DSCAML1: variants seen among roughly 807,000 people sequenced by gnomAD.
DSCAML1 encodes cell adhesion molecule DSCAML1.
A neutral mutation model predicts 200.5 loss-of-function variants in DSCAML1; 38 were observed. The observed-to-expected ratio is 0.19, with a 90% confidence interval of 0.15 to 0.25. The LOEUF (loss-of-function observed/expected upper bound fraction) is 0.25. DSCAML1 is among the 10% of genes least tolerant of loss of function. DSCAML1 has a pLI of 1.00. For missense variants in DSCAML1, 2,223 were observed against 2,858.8 expected (o/e 0.78, Z 5.07); for synonymous variants, 1,215 against 1,165.0 (o/e 1.04, Z -0.87).
rs61905351 is a variant in DSCAML1 at position 117,783,296 on chromosome 11, C to T, written c.47-2486G>A. ...TGGATTTGGGAGCCAAAATCCATCACAGTACAGAAAGACTCTACATTGTGC... is the reference window on the plus strand; with the variant it reads ...TGGATTTGGGAGCCAAAATCCATCATAGTACAGAAAGACTCTACATTGTGC... On this transcript the variant is annotated intron_variant, in intron 1 of 32. Coordinates refer to ENST00000651296, the MANE Select transcript of DSCAML1 (RefSeq NM_020693.4). Among the ~76,000 whole-genome samples the T allele has an allele frequency of 2.8e-3, 427 of 152,272 alleles. 1 individual carries two copies. The highest frequency in any genetic ancestry group is 4.6e-3 in the Non-Finnish European group (310 of 68,024).
At chr11:117,573,946 T>A (rs75807933) in intron 3 of DSCAML1, among the ~76,000 whole-genome samples, 11,416 of 152,254 alleles carry the variant, frequency 0.075, 482 homozygotes, top group Middle Eastern at 0.14. Context: ...CTCGGCAGGA[T>A]GTTCACGAGG....
chr11:117,799,378 G>A (rs575083979), upstream of DSCAML1, among the ~76,000 whole-genome samples: 346 of 152,276 alleles, frequency 2.3e-3, 1 homozygote, highest in African/African-American at 7.8e-3. Context: ...TGCCTCACAC[G>A]CTGGAAGTAG....
chr11:117,465,326 A>C (rs921099370), intron 16 of DSCAML1, 144 bp from the exon 17 acceptor site: 1 of 1,158,652 alleles, frequency 8.6e-7, no homozygotes, highest in Non-Finnish European at 1.2e-6. Context: ...CAAAGTCCTT[A>C]CAATGGCTAC....
chr11:117,474,608 C>T (rs2048751503), intron 14 of DSCAML1, among the ~76,000 whole-genome samples: 1 of 152,164 alleles, frequency 6.6e-6, no homozygotes, highest in Non-Finnish European at 1.5e-5. Context: ...CTGTCCAAGA[C>T]AGAACTCTTG....
At chr11:117,728,116 C>T (rs554619744) in intron 3 of DSCAML1, among the ~76,000 whole-genome samples, 1 of 152,282 alleles carries the variant, frequency 6.6e-6, no homozygotes, top group South Asian at 2.1e-4. Flanking sequence ...GAATGCAAAG[C>T]TGGTTTAACA....
chr11:117,643,821 C>T (rs1293759308), intron 3 of DSCAML1, among the ~76,000 whole-genome samples: 1 of 152,178 alleles, frequency 6.6e-6, no homozygotes, highest in African/African-American at 2.4e-5. Context: ...CTCACATGAC[C>T]CCTGTCACCC....
chr11:117,683,119 T>C (rs1255084734), intron 3 of DSCAML1, among the ~76,000 whole-genome samples: 1 of 152,212 alleles, frequency 6.6e-6, no homozygotes, highest in Non-Finnish European at 1.5e-5. Flanking sequence ...CAACCACTGT[T>C]ATTTATTTGT....
At chr11:117,499,385 A>G (rs2049354117) in intron 11 of DSCAML1, among the ~76,000 whole-genome samples, 1 of 152,114 alleles carries the variant, frequency 6.6e-6, no homozygotes, top group Non-Finnish European at 1.5e-5. Context: ...GGGGTCATCT[A>G]GTGACTAGAT....
At chr11:117,454,152 G>A (rs10790186) in intron 19 of DSCAML1, among the ~76,000 whole-genome samples, 85,674 of 151,804 alleles carry the variant, frequency 0.56, 24,348 homozygotes, top group African/African-American at 0.61. Context: ...TCTTCTCACT[G>A]CATCCTCTAT....
In DSCAML1 at chr11:117,529,245, C is replaced by T. The variant is rs542172494; in HGVS notation, c.658+3131G>A. Among the ~76,000 whole-genome samples the T allele has an allele frequency of 2.3e-4, 35 of 152,060 alleles. No homozygotes were observed. In the South Asian group the frequency reaches 6.9e-3, roughly 30 times the overall value. ...GGTATGTGCCACCACACTCGGCTAA[C>T]GTTTGTATTTTTAGTAAAGATGGGG... On this transcript the variant is annotated intron_variant, in intron 4 of 32. Transcript: ENST00000651296.
rs2048650067 is a variant in DSCAML1, at chr11:117,469,838, G to T, written c.3024+72C>A. 1.4e-6 allele frequency: 2 copies of T among 1,390,854 alleles called. No individual in the cohort carries two copies. The highest frequency in any genetic ancestry group is 1.9e-6 in the Non-Finnish European group (2 of 1,026,796). The allele number at this position is 1,390,854 out of a possible 1,614,324, so 86.2% of individuals were successfully genotyped here. On this transcript the variant is annotated intron_variant, in intron 16 of 32. Transcript: ENST00000651296. The surrounding 1 kb of genome is among the most constrained non-coding windows in gnomAD (Gnocchi z 4.1). ...GACTAGAGACTAGCAAGCCTGCTGG[G>T]AGCTTTCGTCCTGGATTGAGGAGAG...
chr11:117,578,403 G>T (rs1387410544), intron 3 of DSCAML1, among the ~76,000 whole-genome samples: 1 of 152,116 alleles, frequency 6.6e-6, no homozygotes, highest in African/African-American at 2.4e-5. Context: ...GGGTGCAGAG[G>T]CGCATGCCTG....
intron 3 of DSCAML1, among the ~76,000 whole-genome samples, chr11:117,562,732 T>C (rs1021561897): frequency 2.0e-5 from 3 of 152,202 alleles, no homozygotes; most frequent in African/African-American, 7.2e-5. Flanking sequence ...CTTCTTTCTT[T>C]CCTTGTTTTT....
chr11:117,505,731 C>T lies in DSCAML1; in HGVS notation c.1785G>A (p.Val595=). The T allele has an allele frequency of 6.2e-7, 1 of 1,606,560 alleles. No homozygotes were observed. The highest frequency in any genetic ancestry group is 8.5e-7 in the Non-Finnish European group (1 of 1,175,408). ...ATTCGAAGGGCTGGATCAGAGGGGG[C>T]ACTGGGAAGGCAAGCGGGTGCTGCC... ...ISQSVHVAVK[V]PPLIQPFEFP... The change falls in exon 9 of 33, where the codon GTG becomes GTA. Residue 595 remains valine (V), a splice_region_variant and synonymous_variant. Transcript: ENST00000651296. This position sits in a 1 kb window ranked among gnomAD's most constrained non-coding sequence, Gnocchi z 6.7.
At chr11:117,699,453 G>A (rs112845302) in intron 3 of DSCAML1, among the ~76,000 whole-genome samples, 8,464 of 152,286 alleles carry the variant, frequency 0.056, 328 homozygotes, top group Non-Finnish European at 0.076. Flanking sequence ...TGCAAGGAAC[G>A]GAGAGACGGC....
At chr11:117,584,972 T>C (rs2051114678) in intron 3 of DSCAML1, among the ~76,000 whole-genome samples, 1 of 151,656 alleles carries the variant, frequency 6.6e-6, no homozygotes, top group Non-Finnish European at 1.5e-5. Flanking sequence ...TTAGCTCTTA[T>C]GATTATAACA....
chr11:117,653,761 T>G (rs530681460), intron 3 of DSCAML1, among the ~76,000 whole-genome samples: 1 of 152,280 alleles, frequency 6.6e-6, no homozygotes, highest in African/African-American at 2.4e-5. Context: ...ACAAGAATGT[T>G]TATAGCAGCA....
chr11:117,721,645 CAT>C (rs1301957677), intron 3 of DSCAML1, among the ~76,000 whole-genome samples: 6 of 146,962 alleles, frequency 4.1e-5, no homozygotes, highest in East Asian at 2.0e-4. Context: ...AATATGTAAA[CAT>C]ATATTTAAAT....
chr11:117,600,870 G>C (rs1405427336), intron 3 of DSCAML1, among the ~76,000 whole-genome samples: 1 of 152,170 alleles, frequency 6.6e-6, no homozygotes, highest in Non-Finnish European at 1.5e-5. Context: ...GCCAGAGCTG[G>C]AGGAGAAGGA....
Sources: gnomAD v4.1 joint callset for allele counts (sites outside exome capture counted in the v4.1 genomes callset) on GRCh38, gnomAD v4.1.1 for gene constraint, Gnocchi (gnomAD v3.1) non-coding constraint, MANE v1.5 for transcripts, NCBI Gene and HGNC (gene_info 2026-07-23, HGNC 2026-07-21) for gene names.